The following KAZN variants were observed in gnomAD, a reference collection of about 807,000 sequenced individuals.
The protein encoded by KAZN is kazrin.
A neutral mutation model predicts 87.4 loss-of-function variants in KAZN; 40 were observed. The ratio of observed to expected loss-of-function variants is 0.46; its 90% CI spans 0.36 to 0.60. The LOEUF (loss-of-function observed/expected upper bound fraction) is 0.60, where lower values mean the gene tolerates loss of function less well. KAZN is among the 20% of genes least tolerant of loss of function. The pLI, the probability that KAZN is intolerant of heterozygous loss-of-function variation, is 0.00. For synonymous variants in KAZN, 466 were observed against 458.3 expected (o/e 1.02, Z -0.22); for missense variants, 898 against 1,073.9 (o/e 0.84, Z 2.29).
Position 14,817,967 on chromosome 1 carries a change from G to C in KAZN, c.227-142717G>C, listed in dbSNP as rs558049902. Among the ~76,000 whole-genome samples the C allele has an allele frequency of 2.6e-5, 4 of 152,292 alleles. No homozygotes were observed. In the East Asian group the frequency reaches 7.7e-4, roughly 29 times the overall value. ...GCTCAGAGCTGGAACAATTCTCAGC[G>C]GTTTTGCTCATACACAGCTGTTTCA... On this transcript the variant is annotated intron_variant, in intron 1 of 14. Transcript: ENST00000376030.
intron 1 of KAZN, among the ~76,000 whole-genome samples, chr1:14,937,590 T>C (rs1660600352): frequency 6.6e-6 from 1 of 152,232 alleles, no homozygotes; most frequent in Non-Finnish European, 1.5e-5. Context: ...TGGGGTTGAC[T>C]GAACACCTTC....
In KAZN at chr1:14,804,138, G is replaced by A. The variant is rs140219556; in HGVS notation, c.227-156546G>A. 3.7e-3 allele frequency among the ~76,000 whole-genome samples: 567 copies of A among 152,316 alleles called. 2 individuals carry two copies. Among genetic ancestry groups the A allele is most frequent in the Middle Eastern group, 6.8e-3 (2 of 294 alleles). On this transcript the variant is annotated intron_variant, in intron 1 of 14. Transcript: ENST00000376030. ...TGTTGGACCCCTGGTGTCATCTTTG[G>A]ACATGGTCTGTGCTGTCCCCCTCCA... is the stretch of plus-strand genomic sequence containing the variant.
intron 2 of KAZN, among the ~76,000 whole-genome samples, chr1:14,387,868 T>C (rs1248844693): frequency 6.6e-6 from 1 of 152,160 alleles, no homozygotes; most frequent in Non-Finnish European, 1.5e-5. Flanking sequence ...GGCTGCTTTG[T>C]TTACCTAAGC....
intron 2 of KAZN, among the ~76,000 whole-genome samples, chr1:14,462,291 C>T (rs1454340333): frequency 1.3e-5 from 2 of 152,034 alleles, no homozygotes; most frequent in African/African-American, 2.4e-5. Flanking sequence ...TTGTGGTTTA[C>T]ACAGGGAGCC....
rs1459669159 is a variant in KAZN at position 14,949,154 on chromosome 1, A to AT, written c.227-11530_227-11529insT. ...GGCAACAGAGTGAGACTCCGACTCA[A>AT]AAATAATAATAATAATAATAATAAT... On this transcript the variant is annotated intron_variant, in intron 1 of 14. Coordinates refer to ENST00000376030, the MANE Select transcript of KAZN (RefSeq NM_201628.3). This position sits in a 1 kb window ranked among gnomAD's most constrained non-coding sequence, Gnocchi z 4.3. 6.8e-3 allele frequency among the ~76,000 whole-genome samples: 864 copies of AT among 126,494 alleles called. 20 individuals carry two copies. Among genetic ancestry groups the AT allele is most frequent in the African/African-American group, 0.028 (798 of 28,758 alleles). 83.0% of individuals were successfully genotyped at this position (126,494 alleles called of 152,430 possible).
chr1:14,975,369 C>T (rs1665489442), intron 2 of KAZN, among the ~76,000 whole-genome samples: 1 of 152,202 alleles, frequency 6.6e-6, no homozygotes, highest in Admixed American at 6.5e-5. Flanking sequence ...CTGGACAGGC[C>T]TTCATGCCTG....
chr1:15,082,949 C>A (rs1173255646), intron 8 of KAZN, among the ~76,000 whole-genome samples: 2 of 152,164 alleles, frequency 1.3e-5, no homozygotes, highest in African/African-American at 4.8e-5. Context: ...GCATTTTTAA[C>A]CACCTCCCTG....
chr1:14,518,072 A>G (rs991313640), intron 2 of KAZN, among the ~76,000 whole-genome samples: 6 of 151,714 alleles, frequency 4.0e-5, no homozygotes, highest in Admixed American at 6.6e-5. Flanking sequence ...TGGCTACAGG[A>G]CCTTGAACAA....
intron 1 of KAZN, among the ~76,000 whole-genome samples, chr1:14,064,224 T>A (rs947091966): frequency 1.3e-5 from 2 of 152,148 alleles, no homozygotes; most frequent in African/African-American, 4.8e-5. Context: ...GCCCTTGTGT[T>A]TACATTGCCA....
chr1:14,514,514 TGAA>T (rs1671166510), intron 2 of KAZN, among the ~76,000 whole-genome samples: 1 of 20,652 alleles, frequency 4.8e-5, no homozygotes, highest in Non-Finnish European at 9.3e-5. Context: ...ATATAATATA[TGAA>T]ATATATATTT....
chr1:13,905,206 TATA>T (rs1215222922), intron 1 of KAZN, among the ~76,000 whole-genome samples: 1 of 152,232 alleles, frequency 6.6e-6, no homozygotes, highest in African/African-American at 2.4e-5. Flanking sequence ...AAAGGAATTT[TATA>T]ATCCAATTCT....
At chr1:14,001,351 A>G (rs931310379) in intron 1 of KAZN, among the ~76,000 whole-genome samples, 14 of 152,178 alleles carry the variant, frequency 9.2e-5, no homozygotes, top group Non-Finnish European at 1.6e-4. Flanking sequence ...AGCAAATAAG[A>G]AAGGACACAA....
chr1:14,649,505 T>C (rs1160942260), intron 1 of KAZN, among the ~76,000 whole-genome samples: 3 of 152,174 alleles, frequency 2.0e-5, no homozygotes, highest in East Asian at 1.9e-4. Flanking sequence ...TCCATTGTCA[T>C]AGGCCACGTT....
chr1:14,315,960 T>C (rs2100824896), intron 2 of KAZN, among the ~76,000 whole-genome samples: 1 of 152,152 alleles, frequency 6.6e-6, no homozygotes, highest in African/African-American at 2.4e-5. Flanking sequence ...CATTTAACTT[T>C]ATGCAAGCTG....
intron 2 of KAZN, among the ~76,000 whole-genome samples, chr1:15,026,407 G>A (rs1265445389): frequency 6.6e-6 from 1 of 152,172 alleles, no homozygotes; most frequent in Non-Finnish European, 1.5e-5. Flanking sequence ...AGCTGCTAAG[G>A]AGCAAGTGAC....
At chr1:14,020,808 T>G (rs1453080160) in intron 1 of KAZN, among the ~76,000 whole-genome samples, 1 of 152,180 alleles carries the variant, frequency 6.6e-6, no homozygotes, top group Non-Finnish European at 1.5e-5. Context: ...AGTAAAACAT[T>G]TAGTCCATCT....
intron 4 of KAZN, among the ~76,000 whole-genome samples, chr1:15,046,948 C>T (rs973403875): frequency 1.3e-5 from 2 of 152,178 alleles, no homozygotes; most frequent in African/African-American, 4.8e-5. Context: ...CTTAGGCATC[C>T]GAGGACTCCC....
rs151161535 is a variant in KAZN, at chr1:14,320,419, C to T, written c.249+139827C>T. ...TTTGAGAATCACAACTCTGACTGAA[C>T]TGGGGATTTAATATCTTTTCTCATG... On this transcript the variant is annotated intron_variant, in intron 2 of 16. Coordinates refer to the KAZN transcript ENST00000636203. 5.1e-3 allele frequency among the ~76,000 whole-genome samples: 775 copies of T among 152,198 alleles called. 9 individuals are homozygous for T. Among genetic ancestry groups the T allele is most frequent in the African/African-American group, 0.018 (740 of 41,530 alleles).
intron 2 of KAZN, among the ~76,000 whole-genome samples, chr1:14,418,862 T>TA: frequency 6.6e-6 from 1 of 152,244 alleles, no homozygotes; most frequent in East Asian, 1.9e-4. Flanking sequence ...CCAGTACACT[T>TA]GTGTGTGTGC....
Sources: gnomAD v4.1 joint callset for allele counts (sites outside exome capture counted in the v4.1 genomes callset) on GRCh38, gnomAD v4.1.1 for gene constraint, Gnocchi (gnomAD v3.1) non-coding constraint, MANE v1.5 for transcripts, NCBI Gene and HGNC (gene_info 2026-07-23, HGNC 2026-07-21) for gene names.